BEST4: variants seen among roughly 807,000 people sequenced by gnomAD.
BEST4 encodes the protein bestrophin 4.
In BEST4, 36 loss-of-function variants were observed where a neutral mutation model predicts 47.1. The observed-to-expected ratio is 0.76, with a 90% confidence interval of 0.59 to 1.01. The LOEUF (loss-of-function observed/expected upper bound fraction) is 1.01. Ranked by LOEUF, BEST4 falls within the 50% of genes least tolerant of loss-of-function variation. The probability of loss-of-function intolerance (pLI) is 0.00; values close to 1 mark genes in which losing one functional copy is unlikely to be tolerated. For missense variants in BEST4, 550 were observed against 648.6 expected, an observed-to-expected ratio of 0.85 and a Z score of 1.65; for synonymous variants, 250 against 277.8, an observed-to-expected ratio of 0.90 and a Z score of 1.00.
At position 44,784,577 on chromosome 1, in the gene BEST4, G is replaced by A; in HGVS notation, c.1148+52C>T. On this transcript the variant is annotated intron_variant, in intron 8 of 8. Coordinates refer to ENST00000372207, the MANE Select transcript of BEST4 (RefSeq NM_153274.3). This position sits in a 1 kb window ranked among gnomAD's most constrained non-coding sequence, Gnocchi z 6.2. ...GAAGGACCGAGGCATCGGTGCCCCA[G>A]AGGCTGAGCGAGGACCCGCGTGCCG... is the stretch of plus-strand genomic sequence containing the variant. 6.4e-7 allele frequency: 1 copy of A among 1,571,282 alleles called. No homozygotes were observed.
chr1:44,790,790 T>A (rs1651389345), upstream of BEST4, among the ~76,000 whole-genome samples: 1 of 151,412 alleles, frequency 6.6e-6, no homozygotes. Flanking sequence ...TGTGTGCCTA[T>A]AGTCCAGGTA....
At chr1:44,785,723 CA>C (rs1294714698) in intron 4 of BEST4, 47 bp from the exon 5 acceptor site, 10 of 1,483,222 alleles carry the variant, frequency 6.7e-6, no homozygotes, top group Middle Eastern at 1.7e-4. Flanking sequence ...GAGGAAGGAA[CA>C]GGGGTGCCCA....
rs958168005 is a variant in BEST4, at chr1:44,786,757, C to T, written c.248-61G>A. ...AGAGTGGAGAGCCTGGGGGTCGGAG[C>T]GCCTCACCTCCCCCAGCAAAGGGCC... On this transcript the variant is annotated intron_variant, in intron 2 of 8. Coordinates refer to ENST00000372207, the MANE Select transcript of BEST4 (RefSeq NM_153274.3). This position sits in a 1 kb window ranked among gnomAD's most constrained non-coding sequence, Gnocchi z 4.9. 7.6e-6 allele frequency: 10 copies of T among 1,311,226 alleles called. No individual in the cohort carries two copies. Among genetic ancestry groups the T allele is most frequent in the Admixed American group, 2.1e-5 (1 of 47,280 alleles). The allele number at this position is 1,311,226 out of a possible 1,614,324, so 81.2% of individuals were successfully genotyped here. A position where few individuals can be genotyped will look rare whatever the true frequency, so the allele number is the denominator to read the frequency against.
Position 44,786,535 on chromosome 1 carries a change from C to T in BEST4, c.409G>A (p.Val137Met), listed in dbSNP as rs775267719. Reference protein sequence around the residue: ...TLIRYANLASVLVLRSVSTRV... With the variant: ...TLIRYANLASMLVLRSVSTRV... Reference sequence around the variant, plus strand: ...GTGCTGACCGAGCGCAGCACCAGCACGGACGCCAGGTTCGCGTAGCGGATG... The same window carrying T: ...GTGCTGACCGAGCGCAGCACCAGCATGGACGCCAGGTTCGCGTAGCGGATG... Residue 137 changes from valine (V) to methionine (M), a missense_variant, in exon 3 of 9, where the codon GTG (valine) becomes ATG (methionine). Transcript: ENST00000372207. The surrounding 1 kb of genome is among the most constrained non-coding windows in gnomAD (Gnocchi z 4.9). The T allele has an allele frequency of 5.2e-6, 8 of 1,550,612 alleles. No individual in the cohort carries two copies. Among genetic ancestry groups the T allele is most frequent in the Non-Finnish European group, 1.7e-6 (2 of 1,148,050 alleles).
chr1:44,785,344 G>C (rs77121180), intron 5 of BEST4, 39 bp from the exon 6 acceptor site: 1 of 1,525,018 alleles, frequency 6.6e-7, no homozygotes, highest in Non-Finnish European at 8.8e-7. Context: ...AGGATGCAGC[G>C]GGCCAAGGAG....
Position 44,785,687 on chromosome 1 carries a change from A to G in BEST4, c.637-11T>C. On this transcript the variant is annotated splice_polypyrimidine_tract_variant and intron_variant, in intron 4 of 8. Coordinates refer to ENST00000372207, the MANE Select transcript of BEST4 (RefSeq NM_153274.3). ...GTACTTGTTCAGCTCCTGGGGGAAC[A>G]GCAGGAACAGGAAGTCAGCAGAGGT... 6.4e-7 allele frequency: 1 copy of G among 1,551,390 alleles called. No homozygotes were observed. The highest frequency in any genetic ancestry group is 8.7e-7 in the Non-Finnish European group (1 of 1,146,388).
chr1:44,786,646 T>G lies in BEST4; in HGVS notation c.298A>C (p.Ile100Leu), dbSNP rs1651249899. ...CACATCAGCTGGTCTGGCAGCGGGA[T>G]GCTTGTGTACTGGGACCACCAGCGG... ...VNRWWSQYTS[I>L]PLPDQLMCVI... Residue 100 changes from isoleucine to leucine, a missense_variant, in exon 3 of 9, where the codon ATC becomes CTC. Physicochemically the swap from Ile to Leu is conservative, Grantham distance 5. Coordinates refer to ENST00000372207, the MANE Select transcript of BEST4 (RefSeq NM_153274.3). The surrounding 1 kb of genome is among the most constrained non-coding windows in gnomAD (Gnocchi z 4.9). 1.3e-6 allele frequency: 2 copies of G among 1,551,542 alleles called. No individual in the cohort carries two copies. The highest frequency in any genetic ancestry group is 2.0e-5 in the Admixed American group (1 of 50,984).
chr1:44,782,014 A>T (rs554335090), downstream of BEST4, among the ~76,000 whole-genome samples: 6 of 152,154 alleles, frequency 3.9e-5, no homozygotes, highest in South Asian at 1.2e-3. Flanking sequence ...CATACAAAAA[A>T]TTAGCAGGGT....
chr1:44,784,150 CG>C lies in BEST4; in HGVS notation c.*59del. 1 of 1,346,830 alleles carries C rather than the reference CG, an allele frequency of 7.4e-7. No individual in the cohort carries two copies. The highest frequency in any genetic ancestry group is 9.5e-7 in the Non-Finnish European group (1 of 1,050,914). The allele number at this position is 1,346,830 out of a possible 1,614,324, so 83.4% of individuals were successfully genotyped here. On this transcript the variant is annotated 3_prime_UTR_variant, in exon 9 of 9. Coordinates refer to ENST00000372207, the MANE Select transcript of BEST4 (RefSeq NM_153274.3). The surrounding 1 kb of genome is among the most constrained non-coding windows in gnomAD (Gnocchi z 6.2). ...CTCTAATAGAGCTGGCTGGCAGGAC[CG>C]GGCACGGGAGGGAAGGAGGGCAGTG... is the stretch of plus-strand genomic sequence containing the variant.
At position 44,787,815 on chromosome 1, in the gene BEST4, C is replaced by T. The variant is rs1448863338; in HGVS notation, c.-110G>A. The T allele has an allele frequency of 2.2e-6, 3 of 1,344,064 alleles. No individual in the cohort carries two copies. Among genetic ancestry groups the T allele is most frequent in the Non-Finnish European group, 2.1e-6 (2 of 973,382 alleles). 83.3% of individuals were successfully genotyped at this position (1,344,064 alleles called of 1,614,324 possible). On this transcript the variant is annotated 5_prime_UTR_variant, in exon 1 of 9. Transcript: ENST00000372207. The stretch of plus-strand genomic sequence containing the variant: ...GGTCTCACACACCCCAGCCTTCACC[C>T]TGCGTCAGTGGACAAGGGGGTAGGA...
chr1:44,786,564 G>A lies in BEST4; in HGVS notation c.380C>T (p.Thr127Ile), dbSNP rs758926133. ...VDQRGRLLRR[T>I]LIRYANLASV... ...CGCCAGGTTCGCGTAGCGGATGAGG[G>A]TGCGGCGCAGCAGGCGGCCCCGCTG... Residue 127 changes from threonine (T) to isoleucine (I), a missense_variant, in exon 3 of 9, where the codon ACC becomes ATC. Thr to Ile is a moderately conservative substitution (Grantham distance 89). Coordinates refer to ENST00000372207, the MANE Select transcript of BEST4 (RefSeq NM_153274.3). This position sits in a 1 kb window ranked among gnomAD's most constrained non-coding sequence, Gnocchi z 4.9. The A allele has an allele frequency of 6.5e-7, 1 of 1,550,378 alleles. No individual in the cohort carries two copies. The highest frequency in any genetic ancestry group is 2.4e-5 in the East Asian group (1 of 41,010).
At position 44,786,260 on chromosome 1, in the gene BEST4, C is replaced by T. The variant is rs1371642150; in HGVS notation, c.482-32G>A. The stretch of plus-strand genomic sequence containing the variant: ...GGGTAAAGCAGGTGGGGTGCAGTTG[C>T]ACCCTCTGCCGCCAGGGGAGGCTGC... On this transcript the variant is annotated intron_variant, in intron 3 of 8. Coordinates refer to ENST00000372207, the MANE Select transcript of BEST4 (RefSeq NM_153274.3). The surrounding 1 kb of genome is among the most constrained non-coding windows in gnomAD (Gnocchi z 4.9). 1.9e-6 allele frequency: 3 copies of T among 1,574,754 alleles called. No individual in the cohort carries two copies. The highest frequency in any genetic ancestry group is 8.6e-7 in the Non-Finnish European group (1 of 1,159,454).
downstream of BEST4, among the ~76,000 whole-genome samples, chr1:44,782,985 G>T (rs1651086086): frequency 6.6e-6 from 1 of 151,766 alleles, no homozygotes; most frequent in East Asian, 1.9e-4. Context: ...ACAGAGCCTG[G>T]CTCTGTAACC....
At chr1:44,791,433 C>T (rs1325802758), upstream of BEST4, among the ~76,000 whole-genome samples, 2 of 152,016 alleles carry the variant, frequency 1.3e-5, no homozygotes, top group African/African-American at 4.8e-5. Context: ...TGCAGGAGCT[C>T]AGGCCGTGTC....
Position 44,786,477 on chromosome 1 carries a change from T to C in BEST4, c.467A>G (p.His156Arg). 1 of 1,528,546 alleles carries C rather than the reference T, an allele frequency of 6.5e-7. No individual in the cohort carries two copies. Among genetic ancestry groups the C allele is most frequent in the Non-Finnish European group, 8.8e-7 (1 of 1,135,392 alleles). 94.7% of individuals were successfully genotyped at this position (1,528,546 alleles called of 1,614,324 possible). The change falls in exon 3 of 9, where the codon CAC (histidine) becomes CGC (arginine). Residue 156 changes from histidine (H) to arginine (R), a missense_variant. Coordinates refer to ENST00000372207, the MANE Select transcript of BEST4 (RefSeq NM_153274.3). The surrounding 1 kb of genome is among the most constrained non-coding windows in gnomAD (Gnocchi z 4.9). ...GGGCGGCGCACCTGCGTCCACCACG[T>C]GCTCCATGGTGGGGAAGCGCTTAAG... ...RVLKRFPTME[H>R]VVDAGFMSQE...
At chr1:44,785,557 C>T (rs1329105246) in intron 5 of BEST4, 42 bp downstream of exon 5, 3 of 1,491,772 alleles carry the variant, frequency 2.0e-6, no homozygotes, top group Non-Finnish European at 2.7e-6. Flanking sequence ...CAGCACAGGA[C>T]ATACAGTAGG....
chr1:44,789,537 A>G (rs985690674), upstream of BEST4, among the ~76,000 whole-genome samples: 1 of 152,052 alleles, frequency 6.6e-6, no homozygotes, highest in Non-Finnish European at 1.5e-5. Context: ...CATCTCTACT[A>G]AAAATACAAA....
downstream of BEST4, among the ~76,000 whole-genome samples, chr1:44,782,014 A>C (rs554335090): frequency 6.6e-6 from 1 of 152,036 alleles, no homozygotes; most frequent in Admixed American, 6.6e-5. Context: ...CATACAAAAA[A>C]TTAGCAGGGT....
chr1:44,787,149 T>A (rs1226713110), intron 2 of BEST4, among the ~76,000 whole-genome samples: 6 of 149,392 alleles, frequency 4.0e-5, no homozygotes, highest in Non-Finnish European at 8.9e-5. Flanking sequence ...AATTCTTTTT[T>A]TTTTTTTTTT....
Sources: allele counts gnomAD v4.1 joint callset (sites outside exome capture counted in the v4.1 genomes callset), GRCh38; gene constraint gnomAD v4.1.1; non-coding constraint Gnocchi (gnomAD v3.1); transcripts MANE v1.5; gene names NCBI Gene and HGNC (gene_info 2026-07-23, HGNC 2026-07-21).